Variants in CHODL observed in about 807,000 individuals in gnomAD.
The protein encoded by CHODL is chondrolectin.
In CHODL, 29 loss-of-function variants were observed where a neutral mutation model predicts 34.5. The ratio of observed to expected loss-of-function variants is 0.84; its 90% confidence interval spans 0.63 to 1.15. The LOEUF is 1.15. Ranked by LOEUF, CHODL falls within the 50% of genes most tolerant of loss-of-function variation. The pLI, the probability that CHODL is intolerant of heterozygous loss-of-function variation, is 0.00. For missense variants in CHODL, 332 were observed against 332.5 expected, an observed-to-expected ratio of 1.00 and a Z score of 0.01; for synonymous variants, 125 against 116.1, an observed-to-expected ratio of 1.08 and a Z score of -0.49.
intron 2 of CHODL, among the ~76,000 whole-genome samples, chr21:18,129,893 T>TGTGTGTGA (rs2072633141): frequency 5.7e-5 from 1 of 17,440 alleles, no homozygotes; most frequent in African/African-American, 1.6e-3. Context: ...TGTCTTTCTC[T>TGTGTGTGA]GTGTGTGTGT....
intron 1 of CHODL, among the ~76,000 whole-genome samples, chr21:18,253,066 T>C (rs1438924679): frequency 6.6e-6 from 1 of 152,164 alleles, no homozygotes; most frequent in Non-Finnish European, 1.5e-5. Flanking sequence ...GTTAGAAATT[T>C]CCACATGAAA....
chr21:17,996,733 C>G lies in CHODL; in HGVS notation c.-144-31139C>G, dbSNP rs2063853268. ...GAACTTTTTAATAATAAACACTCTT[C>G]AACAAAGACTGAAGTACTTCATGAA... On this transcript the variant is annotated intron_variant, in intron 1 of 6. Coordinates refer to the CHODL transcript ENST00000400127. Among the ~76,000 whole-genome samples the G allele has an allele frequency of 1.3e-5, 2 of 152,182 alleles. 1 individual carries two copies. The highest frequency in any genetic ancestry group is 4.1e-4 in the South Asian group (2 of 4,822).
intron 2 of CHODL, among the ~76,000 whole-genome samples, chr21:18,052,755 GA>G (rs935619716): frequency 2.6e-5 from 4 of 151,832 alleles, no homozygotes; most frequent in African/African-American, 9.7e-5. Context: ...CCACTCTCCA[GA>G]ATGAGGGAAA....
At chr21:18,022,157 C>T (rs1279543533) in intron 1 of CHODL, among the ~76,000 whole-genome samples, 1 of 152,168 alleles carries the variant, frequency 6.6e-6, no homozygotes, top group Non-Finnish European at 1.5e-5. Context: ...CTTATTCACT[C>T]ACATTTTTAC....
rs1414591395 is a variant in CHODL at position 18,267,269 on chromosome 21, A to ATGCT, written c.*1233_*1236dup. 1.3e-5 allele frequency: 2 copies of ATGCT among 152,150 alleles called. No individual in the cohort carries two copies. The highest frequency in any genetic ancestry group is 2.9e-5 in the Non-Finnish European group (2 of 68,030). The allele number at this position is 152,150 out of a possible 1,614,324, so 9.4% of individuals were successfully genotyped here. A position where few individuals can be genotyped will look rare whatever the true frequency, so the allele number is the denominator to read the frequency against. On this transcript the variant is annotated 3_prime_UTR_variant, in exon 6 of 6. Coordinates refer to ENST00000299295, the MANE Select transcript of CHODL (RefSeq NM_024944.3). ...TCTGTCTTATCTCCTAGTTTCTTCA[A>ATGCT]TGCTTACGCCTTGTTCTTCTCAAGA...
At chr21:18,148,851 C>G (rs1175132988) in intron 2 of CHODL, among the ~76,000 whole-genome samples, 1 of 150,194 alleles carries the variant, frequency 6.7e-6, no homozygotes, top group Non-Finnish European at 1.5e-5. Flanking sequence ...AAATATACCC[C>G]ACATTTGAAT....
intron 1 of CHODL, among the ~76,000 whole-genome samples, chr21:17,953,022 C>G (rs1021117030): frequency 6.6e-6 from 1 of 152,086 alleles, no homozygotes; most frequent in Non-Finnish European, 1.5e-5. Context: ...GATCCAGTCA[C>G]CTCCCACCAG....
intron 2 of CHODL, among the ~76,000 whole-genome samples, chr21:18,153,121 C>A (rs1232617315): frequency 6.6e-6 from 1 of 152,172 alleles, no homozygotes; most frequent in Non-Finnish European, 1.5e-5. Context: ...AAAACCCCAC[C>A]TGTTTATTGT....
chr21:17,989,423 C>G (rs1010620306), intron 1 of CHODL, among the ~76,000 whole-genome samples: 1 of 152,100 alleles, frequency 6.6e-6, no homozygotes, highest in African/African-American at 2.4e-5. Flanking sequence ...TTCTTCCTAT[C>G]CTCACATATA....
chr21:18,235,379 T>A (rs935577678), intron 2 of CHODL, among the ~76,000 whole-genome samples: 9 of 152,064 alleles, frequency 5.9e-5, no homozygotes, highest in African/African-American at 1.9e-4. Flanking sequence ...GAAGAAAATT[T>A]AAAAAATTAA....
At chr21:18,093,720 A>C (rs172266) in intron 2 of CHODL, among the ~76,000 whole-genome samples, 54,574 of 152,004 alleles carry the variant, frequency 0.36, 12,188 homozygotes, top group Non-Finnish European at 0.51. Flanking sequence ...CATCAAATTG[A>C]AAATCATACA....
At chr21:18,006,527 G>T (rs2063963123) in intron 1 of CHODL, among the ~76,000 whole-genome samples, 1 of 152,092 alleles carries the variant, frequency 6.6e-6, no homozygotes, top group South Asian at 2.1e-4. Context: ...ACCAAAAGAA[G>T]AAAACACAAT....
intron 2 of CHODL, among the ~76,000 whole-genome samples, chr21:18,063,743 A>G (rs1382378460): frequency 6.6e-6 from 1 of 152,256 alleles, no homozygotes; most frequent in Non-Finnish European, 1.5e-5. Flanking sequence ...AAAGAATACT[A>G]TTTAAAAATA....
At chr21:18,232,896 T>C (rs2073992822) in intron 2 of CHODL, among the ~76,000 whole-genome samples, 1 of 147,590 alleles carries the variant, frequency 6.8e-6, no homozygotes, top group South Asian at 2.1e-4. Context: ...ATGGGGTCCA[T>C]ATAATTATAA....
chr21:18,034,053 C>G (rs1279662334), intron 2 of CHODL, among the ~76,000 whole-genome samples: 1 of 151,918 alleles, frequency 6.6e-6, no homozygotes, highest in Non-Finnish European at 1.5e-5. Context: ...TATGAGTGGC[C>G]CATCCAAACA....
At chr21:18,108,834 A>G (rs1027392113) in intron 2 of CHODL, among the ~76,000 whole-genome samples, 1 of 122,814 alleles carries the variant, frequency 8.1e-6, no homozygotes, top group Admixed American at 8.1e-5. Context: ...CTTCTTTGCA[A>G]TGTTGTGTGT....
intron 2 of CHODL, among the ~76,000 whole-genome samples, chr21:18,167,171 T>C (rs2073164244): frequency 6.6e-6 from 1 of 151,840 alleles, no homozygotes; most frequent in East Asian, 1.9e-4. Context: ...TTTAATCTTT[T>C]AAAATAAAAA....
intron 1 of CHODL, among the ~76,000 whole-genome samples, chr21:17,984,156 T>A (rs1471331738): frequency 3.9e-5 from 6 of 152,204 alleles, no homozygotes. Context: ...CATGCAGTGG[T>A]TATCCTTCCG....
intron 2 of CHODL, among the ~76,000 whole-genome samples, chr21:18,180,409 G>T (rs932659079): frequency 1.2e-4 from 19 of 152,168 alleles, no homozygotes; most frequent in Admixed American, 1.0e-3. Context: ...CTCCCAAAGT[G>T]CTGGGATTAT....
Sources: allele counts gnomAD v4.1 joint callset (sites outside exome capture counted in the v4.1 genomes callset), GRCh38; gene constraint gnomAD v4.1.1; transcripts MANE v1.5; gene names NCBI Gene and HGNC (gene_info 2026-07-23, HGNC 2026-07-21).